POLR2F: variants seen among roughly 807,000 people sequenced by gnomAD.
The protein encoded by POLR2F is RNA polymerase II, I and III subunit F, also known as DNA-directed RNA polymerases I, II, and III subunit RPABC2.
In POLR2F, 12 loss-of-function variants were observed where a neutral mutation model predicts 22.7. The ratio of observed to expected loss-of-function variants is 0.53; its 90% CI spans 0.34 to 0.86. The LOEUF (loss-of-function observed/expected upper bound fraction) is 0.86. Ranked by LOEUF, POLR2F falls within the 40% of genes least tolerant of loss-of-function variation. POLR2F has a pLI of 0.02. For missense variants in POLR2F, 126 were observed against 171.5 expected (o/e 0.73, Z 1.48); for synonymous variants, 57 against 66.0 (o/e 0.86, Z 0.66).
rs1007341248 is a variant in POLR2F at position 38,025,817 on chromosome 22, A to G, written c.121-52A>G. 5.5e-6 allele frequency: 8 copies of G among 1,444,844 alleles called. No individual in the cohort carries two copies. In the African/African-American group the frequency reaches 1.1e-4, roughly 20 times the overall value. The allele number at this position is 1,444,844 out of a possible 1,614,324, so 89.5% of individuals were successfully genotyped here. On this transcript the variant is annotated intron_variant, in intron 1 of 2. Transcript: ENST00000333418. ...CTTTTGGGCACTTTTCATGGCCAGC[A>G]TGGTGTTTCCTATGTATGAAACTCA...
chr22:38,008,834 G>C (rs1161608970), intron 1 of POLR2F, among the ~76,000 whole-genome samples: 1 of 151,402 alleles, frequency 6.6e-6, no homozygotes, highest in Admixed American at 6.6e-5. Flanking sequence ...CTCCAGCCTG[G>C]GTGACAGAGT....
At chr22:38,041,413 A>G (rs2085170992), downstream of POLR2F, 1 of 334,794 alleles carries the variant, frequency 3.0e-6, no homozygotes, top group Admixed American at 4.3e-5. Flanking sequence ...CAGGCGGGGG[A>G]TGGAGGGGAG....
intron 5 of POLR2F, among the ~76,000 whole-genome samples, chr22:38,037,824 C>G (rs560190592): frequency 6.6e-6 from 1 of 152,268 alleles, no homozygotes; most frequent in African/African-American, 2.4e-5. Flanking sequence ...ATCTCCTGAC[C>G]TCGTGATCCA....
chr22:37,968,737 T>G lies in POLR2F; in HGVS notation c.*1022T>G, dbSNP rs753467922. The G allele has an allele frequency of 7.8e-5, 77 of 985,496 alleles. No homozygotes were observed. The highest frequency in any genetic ancestry group is 9.2e-5 in the Non-Finnish European group (76 of 829,948). 61.0% of individuals were successfully genotyped at this position (985,496 alleles called of 1,614,324 possible). A position where few individuals can be genotyped will look rare whatever the true frequency, so the allele number is the denominator to read the frequency against. On this transcript the variant is annotated 3_prime_UTR_variant, in exon 5 of 5. Transcript: ENST00000442738. ...ATGCCAGCCTTAACCTCCATTCCACTGCCAGCTCCCCTTCAAAGAGGAGGA... is the reference window on the plus strand; with the variant it reads ...ATGCCAGCCTTAACCTCCATTCCACGGCCAGCTCCCCTTCAAAGAGGAGGA...
intron 1 of POLR2F, among the ~76,000 whole-genome samples, chr22:37,956,478 G>A (rs1272510590): frequency 6.6e-6 from 1 of 151,160 alleles, no homozygotes; most frequent in African/African-American, 2.4e-5. Flanking sequence ...GTACAGTGGT[G>A]CAATCTTGGC....
chr22:37,973,137 C>T (rs867040699), downstream of POLR2F: 7 of 253,392 alleles, frequency 2.8e-5, no homozygotes, highest in Middle Eastern at 1.2e-3. Flanking sequence ...GTAAGGCCTC[C>T]GATGCCACCA....
In POLR2F at chr22:38,025,675, G is replaced by A. The variant is rs547208168; in HGVS notation, c.121-194G>A. 2.6e-5 allele frequency: 40 copies of A among 1,552,616 alleles called. No individual in the cohort carries two copies. In the South Asian group the frequency reaches 3.4e-4, roughly 13 times the overall value. ...GCATCTCCTCCCGCTGACTTCTCCC[G>A]ACAGTCCTGCTGGGTGGATATCATC... On this transcript the variant is annotated intron_variant, in intron 1 of 2. Transcript: ENST00000333418.
intron 1 of POLR2F, among the ~76,000 whole-genome samples, chr22:38,013,089 TCCC>T (rs1336861449): frequency 7.4e-4 from 17 of 22,884 alleles, no homozygotes; most frequent in African/African-American, 4.6e-3. Context: ...TTCCCTTCCT[TCCC>T]TTCCTTCCCT....
chr22:37,973,349 G>A, downstream of POLR2F: 1 of 619,932 alleles, frequency 1.6e-6, no homozygotes, highest in South Asian at 2.0e-5. Flanking sequence ...AGGGCAGTGA[G>A]CCAGACAGAA....
At chr22:38,027,244 G>A (rs1459573642), downstream of POLR2F, among the ~76,000 whole-genome samples, 27 of 152,164 alleles carry the variant, frequency 1.8e-4, no homozygotes, top group Non-Finnish European at 4.4e-5. Context: ...AGGCCTCAGA[G>A]TGCTCCCATG....
At chr22:38,022,385 C>G (rs2084967326) in intron 1 of POLR2F, among the ~76,000 whole-genome samples, 1 of 151,554 alleles carries the variant, frequency 6.6e-6, no homozygotes, top group East Asian at 2.0e-4. Context: ...AACCCTGTCT[C>G]TACTAAAAAT....
chr22:37,956,783 G>A lies in POLR2F; in HGVS notation c.31G>A (p.Asp11Asn), dbSNP rs550998177. 3.0e-5 allele frequency: 49 copies of A among 1,613,628 alleles called. No individual in the cohort carries two copies. The highest frequency in any genetic ancestry group is 3.7e-5 in the Non-Finnish European group (44 of 1,179,674). ...CTTCTTCCTGTACAGTTTTGATGGC[G>A]ACGACTTTGATGATGTGGAGGAGGA... Reference protein sequence around the residue: MSDNEDNFDGDDFDDVEEDEG... With the variant: MSDNEDNFDGNDFDDVEEDEG... The change falls in exon 2 of 5, where the codon GAC becomes AAC. Residue 11 changes from aspartate to asparagine, a missense_variant. Coordinates refer to ENST00000442738, the MANE Select transcript of POLR2F (RefSeq NM_021974.5).
chr22:38,030,103 G>C (rs962347508), downstream of POLR2F, among the ~76,000 whole-genome samples: 1 of 152,198 alleles, frequency 6.6e-6, no homozygotes, highest in African/African-American at 2.4e-5. Context: ...GATGCAGCTG[G>C]GAAGATTGCC....
chr22:37,976,739 A>G (rs1165795532), intron 4 of POLR2F, among the ~76,000 whole-genome samples: 1 of 152,194 alleles, frequency 6.6e-6, no homozygotes. Context: ...GTTTGCAAGG[A>G]TTGAGTTAGT....
downstream of POLR2F, among the ~76,000 whole-genome samples, chr22:38,029,602 C>T (rs2085046836): frequency 6.6e-6 from 1 of 152,162 alleles, no homozygotes; most frequent in African/African-American, 2.4e-5. Flanking sequence ...TTGAGACTGA[C>T]CACAGAATGA....
chr22:37,982,674 G>C (rs1932437086), upstream of POLR2F, among the ~76,000 whole-genome samples: 1 of 152,102 alleles, frequency 6.6e-6, no homozygotes, highest in Non-Finnish European at 1.5e-5. Context: ...AACTGGGAGA[G>C]GGAGGAAAGA....
At chr22:38,015,111 C>T (rs993437132) in intron 1 of POLR2F, among the ~76,000 whole-genome samples, 12 of 152,104 alleles carry the variant, frequency 7.9e-5, no homozygotes, top group Non-Finnish European at 1.5e-4. Flanking sequence ...CGGCCTCTGG[C>T]TAGGACTTCT....
chr22:38,017,307 G>A lies in POLR2F; in HGVS notation c.121-8562G>A, dbSNP rs981279813. On this transcript the variant is annotated intron_variant, in intron 1 of 2. Coordinates refer to the POLR2F transcript ENST00000333418. This position sits in a 1 kb window ranked among gnomAD's most constrained non-coding sequence, Gnocchi z 4.1. ...CGGGTGGAATAGGGGGCTCACACTA[G>A]GACAGAAAACCCTGAACTGCCCCCA... 6.6e-6 allele frequency among the ~76,000 whole-genome samples: 1 copy of A among 152,138 alleles called. No individual in the cohort carries two copies. The highest frequency in any genetic ancestry group is 1.5e-5 in the Non-Finnish European group (1 of 68,020).
At chr22:37,976,183 G>A (rs1027968697) in intron 4 of POLR2F, among the ~76,000 whole-genome samples, 5 of 152,098 alleles carry the variant, frequency 3.3e-5, no homozygotes, top group African/African-American at 9.7e-5. Flanking sequence ...AGATGGCACC[G>A]CTGCACTGCA....
Sources: allele counts gnomAD v4.1 joint callset (sites outside exome capture counted in the v4.1 genomes callset), GRCh38; gene constraint gnomAD v4.1.1; non-coding constraint Gnocchi (gnomAD v3.1); transcripts MANE v1.5; gene names NCBI Gene and HGNC (gene_info 2026-07-23, HGNC 2026-07-21).